The following NKAIN2 variants were observed in gnomAD, a reference collection of about 807,000 sequenced individuals.
The protein encoded by NKAIN2 is sodium/potassium-transporting ATPase subunit beta-1-interacting protein 2.
A neutral mutation model predicts 32.6 loss-of-function variants in NKAIN2; 14 were observed. The observed-to-expected ratio is 0.43, with a 90% confidence interval of 0.28 to 0.67. The LOEUF is 0.67. Ranked by LOEUF, NKAIN2 falls within the 30% of genes least tolerant of loss-of-function variation. NKAIN2 has a pLI of 0.17. For synonymous variants in NKAIN2, 80 were observed against 87.2 expected, an observed-to-expected ratio of 0.92 and a Z score of 0.46; for missense variants, 198 against 258.3, an observed-to-expected ratio of 0.77 and a Z score of 1.60.
At chr6:124,600,736 A>T (rs148404653) in intron 3 of NKAIN2, among the ~76,000 whole-genome samples, 15 of 152,176 alleles carry the variant, frequency 9.9e-5, no homozygotes, top group African/African-American at 3.6e-4. Flanking sequence ...CTATAGATAA[A>T]AGTCAGTTAT....
intron 1 of NKAIN2, among the ~76,000 whole-genome samples, chr6:124,006,421 G>A (rs1172705929): frequency 6.6e-6 from 1 of 152,134 alleles, no homozygotes; most frequent in East Asian, 1.9e-4. Flanking sequence ...GGATAAGGGC[G>A]AGATGCATTA....
At chr6:124,433,183 T>C (rs1015189765) in intron 3 of NKAIN2, among the ~76,000 whole-genome samples, 2 of 152,150 alleles carry the variant, frequency 1.3e-5, no homozygotes, top group Non-Finnish European at 2.9e-5. Context: ...AATTAGGCGG[T>C]GGAAGCACTG....
intron 1 of NKAIN2, among the ~76,000 whole-genome samples, chr6:124,039,120 T>C (rs542744158): frequency 6.6e-6 from 1 of 152,122 alleles, no homozygotes; most frequent in Non-Finnish European, 1.5e-5. Flanking sequence ...AATTGGCACA[T>C]GCTTATTTTA....
chr6:124,746,256 T>G (rs1467291788), intron 4 of NKAIN2, among the ~76,000 whole-genome samples: 1 of 151,908 alleles, frequency 6.6e-6, no homozygotes, highest in African/African-American at 2.4e-5. Context: ...GTTTTAACAT[T>G]CTACCTGTGA....
chr6:124,718,477 C>T (rs1485300378), intron 4 of NKAIN2, among the ~76,000 whole-genome samples: 1 of 152,120 alleles, frequency 6.6e-6, no homozygotes. Context: ...ATCTGTTCAC[C>T]AGTTGATGGT....
chr6:124,545,890 G>A (rs749295946), intron 3 of NKAIN2, among the ~76,000 whole-genome samples: 3 of 151,948 alleles, frequency 2.0e-5, no homozygotes, highest in Non-Finnish European at 4.4e-5. Flanking sequence ...TTGATTCTGT[G>A]TTAGTGACAG....
At chr6:124,266,285 C>T (rs1282469930) in intron 1 of NKAIN2, among the ~76,000 whole-genome samples, 1 of 152,028 alleles carries the variant, frequency 6.6e-6, no homozygotes, top group Non-Finnish European at 1.5e-5. Flanking sequence ...GCTGGCTTCT[C>T]ACATTATTTA....
At chr6:124,372,664 C>T (rs1171094952) in intron 3 of NKAIN2, among the ~76,000 whole-genome samples, 1 of 152,120 alleles carries the variant, frequency 6.6e-6, no homozygotes, top group Non-Finnish European at 1.5e-5. Context: ...TTCAATGTTC[C>T]TGTATATTCC....
chr6:124,278,580 A>T (rs1582976927), intron 1 of NKAIN2, among the ~76,000 whole-genome samples: 1 of 147,168 alleles, frequency 6.8e-6, no homozygotes, highest in East Asian at 2.0e-4. Context: ...CAGCTCATAT[A>T]ATAGCTTATA....
chr6:124,646,353 G>A (rs1266016123), intron 3 of NKAIN2, among the ~76,000 whole-genome samples: 1 of 147,704 alleles, frequency 6.8e-6, no homozygotes, highest in Non-Finnish European at 1.5e-5. Context: ...GAAAATCTCA[G>A]AGAGTAAAGA....
At chr6:124,124,394 T>C (rs568396705) in intron 1 of NKAIN2, among the ~76,000 whole-genome samples, 1 of 152,140 alleles carries the variant, frequency 6.6e-6, no homozygotes, top group African/African-American at 2.4e-5. Context: ...AAATTGTTAA[T>C]GGGAACTTGA....
intron 1 of NKAIN2, among the ~76,000 whole-genome samples, chr6:124,208,061 G>T (rs1790985179): frequency 6.6e-6 from 1 of 151,704 alleles, no homozygotes; most frequent in Non-Finnish European, 1.5e-5. Context: ...TTTTGTCTTG[G>T]TGGCTGTTCT....
chr6:124,692,535 G>T (rs974749572), intron 4 of NKAIN2, among the ~76,000 whole-genome samples: 11 of 152,188 alleles, frequency 7.2e-5, no homozygotes, highest in African/African-American at 2.4e-4. Flanking sequence ...GTAACATGAG[G>T]GCCGGGTGCG....
intron 1 of NKAIN2, among the ~76,000 whole-genome samples, chr6:123,974,626 G>C (rs533046806): frequency 6.6e-6 from 1 of 152,100 alleles, no homozygotes; most frequent in Non-Finnish European, 1.5e-5. Context: ...GCGGGCAAAA[G>C]GTTGACCATT....
intron 4 of NKAIN2, among the ~76,000 whole-genome samples, chr6:124,687,743 T>TATATATACAC (rs1554251784): frequency 2.9e-5 from 3 of 104,374 alleles, no homozygotes; most frequent in Non-Finnish European, 3.7e-5. Flanking sequence ...ATATGATATA[T>TATATATACAC]ACACACACAC....
chr6:124,495,585 A>G (rs1435716259), intron 3 of NKAIN2, among the ~76,000 whole-genome samples: 1 of 152,142 alleles, frequency 6.6e-6, no homozygotes, highest in Non-Finnish European at 1.5e-5. Flanking sequence ...TCTACTGACC[A>G]CACTTTGAGG....
intron 3 of NKAIN2, among the ~76,000 whole-genome samples, chr6:124,509,981 A>G (rs1009267519): frequency 2.3e-4 from 35 of 152,188 alleles, no homozygotes; most frequent in African/African-American, 8.2e-4. Context: ...CTGCTTACAT[A>G]TACACAAAGG....
chr6:123,930,101 A>G (rs893927579), intron 1 of NKAIN2, among the ~76,000 whole-genome samples: 1 of 152,098 alleles, frequency 6.6e-6, no homozygotes, highest in Non-Finnish European at 1.5e-5. Flanking sequence ...CCAATGTACA[A>G]CTCTTCAAAA....
intron 1 of NKAIN2, among the ~76,000 whole-genome samples, chr6:124,134,828 T>TG (rs1786653170): frequency 2.0e-5 from 3 of 152,304 alleles, no homozygotes; most frequent in Admixed American, 1.3e-4. Context: ...GATTATCACC[T>TG]AGGCATATAG....
Sources: gnomAD v4.1 joint callset for allele counts (sites outside exome capture counted in the v4.1 genomes callset) on GRCh38, gnomAD v4.1.1 for gene constraint, MANE v1.5 for transcripts, NCBI Gene and HGNC (gene_info 2026-07-23, HGNC 2026-07-21) for gene names.